SLIT2: variants seen among roughly 807,000 people sequenced by gnomAD.
SLIT2 encodes slit homolog 2 protein.
A neutral mutation model predicts 185.7 loss-of-function variants in SLIT2; 41 were observed. That is an observed-to-expected ratio of 0.22 (90% CI 0.17 to 0.29). The LOEUF is 0.29. SLIT2 is among the 10% of genes least tolerant of loss of function. SLIT2 has a pLI of 1.00. For synonymous variants in SLIT2, 693 were observed against 680.2 expected (o/e 1.02, Z -0.29); for missense variants, 1,571 against 1,909.0 (o/e 0.82, Z 3.30).
intron 4 of SLIT2, among the ~76,000 whole-genome samples, chr4:20,286,085 A>G (rs1210702344): frequency 6.6e-6 from 1 of 152,232 alleles, no homozygotes; most frequent in Admixed American, 6.5e-5. Flanking sequence ...TAATGCCCAC[A>G]TGGCAGGCTA....
intron 29 of SLIT2, among the ~76,000 whole-genome samples, chr4:20,581,659 C>T (rs1052326256): frequency 6.6e-6 from 1 of 152,154 alleles, no homozygotes. Context: ...CCACCCCTAC[C>T]CTGTACAAGT....
At chr4:20,439,189 A>C in intron 4 of SLIT2, among the ~76,000 whole-genome samples, 1 of 152,218 alleles carries the variant, frequency 6.6e-6, no homozygotes, top group East Asian at 1.9e-4. Flanking sequence ...CCGAGGTATT[A>C]ATTATATCTT....
chr4:20,424,804 T>G (rs2109477208), intron 4 of SLIT2, among the ~76,000 whole-genome samples: 2 of 152,208 alleles, frequency 1.3e-5, no homozygotes, highest in Non-Finnish European at 2.9e-5. Flanking sequence ...TGTTTTCATC[T>G]CTATATATCC....
chr4:20,472,386 G>GAGATATAGATATTTATATATCTATATA (rs1560453735), intron 5 of SLIT2, among the ~76,000 whole-genome samples: 1 of 38,394 alleles, frequency 2.6e-5, no homozygotes, highest in Non-Finnish European at 3.9e-5. Flanking sequence ...CTATATATAT[G>GAGATATAGATATTTATATATCTATATA]TAGATATATA....
At chr4:20,554,055 AT>A (rs1286896353) in intron 26 of SLIT2, 87 bp downstream of exon 26, 3 of 1,057,770 alleles carry the variant, frequency 2.8e-6, no homozygotes, top group Non-Finnish European at 4.1e-6. Flanking sequence ...ATCCAAAGGT[AT>A]GGTTGAAATG....
intron 4 of SLIT2, among the ~76,000 whole-genome samples, chr4:20,328,763 G>A (rs1242347051): frequency 6.6e-6 from 1 of 152,092 alleles, no homozygotes; most frequent in Admixed American, 6.6e-5. Flanking sequence ...TTCAACAGAA[G>A]TGACAATCTA....
intron 14 of SLIT2, 22 bp from the exon 15 acceptor site, chr4:20,525,124 ATTT>A: frequency 6.3e-7 from 1 of 1,590,684 alleles, no homozygotes; most frequent in Non-Finnish European, 8.6e-7. Context: ...TGCATCTTCT[ATTT>A]TTTGTCTCTT....
At chr4:20,411,048 A>G (rs1382493011) in intron 4 of SLIT2, among the ~76,000 whole-genome samples, 2 of 152,184 alleles carry the variant, frequency 1.3e-5, no homozygotes, top group Non-Finnish European at 2.9e-5. Flanking sequence ...ATCCATGAGC[A>G]TGGAATGTTT....
intron 4 of SLIT2, among the ~76,000 whole-genome samples, chr4:20,307,664 G>T (rs961298864): frequency 6.6e-6 from 1 of 152,158 alleles, no homozygotes; most frequent in African/African-American, 2.4e-5. Flanking sequence ...TCAAGACAAT[G>T]GGGTGAAAGG....
chr4:20,560,771 G>T (rs777069221), intron 26 of SLIT2, among the ~76,000 whole-genome samples: 1 of 151,826 alleles, frequency 6.6e-6, no homozygotes, highest in Non-Finnish European at 1.5e-5. Flanking sequence ...TGACTTACAT[G>T]TGCTGAAGAG....
chr4:20,559,446 T>C lies in SLIT2; in HGVS notation c.2725+5478T>C, dbSNP rs562022477. Among the ~76,000 whole-genome samples, 281 of 152,042 alleles carry C rather than the reference T, an allele frequency of 1.8e-3. 3 individuals are homozygous for C. Among genetic ancestry groups the C allele is most frequent in the African/African-American group, 6.5e-3 (271 of 41,434 alleles). ...AAACTTACAGTGCCCTTTGCCAGCA[T>C]TTGTCTCAGCATTTGTCAAGCTATT... On this transcript the variant is annotated intron_variant, in intron 26 of 36. Coordinates refer to ENST00000504154, the MANE Select transcript of SLIT2 (RefSeq NM_004787.4).
At chr4:20,318,007 A>G (rs1298609203) in intron 4 of SLIT2, among the ~76,000 whole-genome samples, 3 of 152,086 alleles carry the variant, frequency 2.0e-5, no homozygotes, top group Non-Finnish European at 2.9e-5. Flanking sequence ...TTTGGGGTCC[A>G]TTTTTTGTAC....
intron 26 of SLIT2, among the ~76,000 whole-genome samples, chr4:20,554,600 A>G (rs944574545): frequency 1.1e-4 from 16 of 152,356 alleles, no homozygotes; most frequent in Admixed American, 6.5e-5. Flanking sequence ...AAGAAATAAA[A>G]TTAACCATTA....
chr4:20,488,889 C>T lies in SLIT2; in HGVS notation c.682C>T (p.Pro228Ser). 6.2e-7 allele frequency: 1 copy of T among 1,612,914 alleles called. No individual in the cohort carries two copies. Among genetic ancestry groups the T allele is most frequent in the Non-Finnish European group, 8.5e-7 (1 of 1,179,048 alleles). ...GCTCTCCGACTGGCTTCGCCAAAGG[C>T]CTCGGGTTGGTCTGTACACTCAGTG... ...AWLSDWLRQR[P>S]RVGLYTQCMG... Residue 228 changes from proline to serine, a missense_variant, in exon 8 of 37, where the codon CCT becomes TCT. Around this residue, in one of 3 missense-constraint regions of SLIT2, gnomAD observed 1,202 missense variants for 1,416.4 expected, o/e 0.85. Transcript: ENST00000504154.
At chr4:20,530,498 G>A (rs1560505997) in intron 16 of SLIT2, among the ~76,000 whole-genome samples, 1 of 151,978 alleles carries the variant, frequency 6.6e-6, no homozygotes, top group Non-Finnish European at 1.5e-5. Flanking sequence ...GTCCAGGCTG[G>A]TCTTGAACTC....
At chr4:20,475,091 G>A (rs1035838620) in intron 5 of SLIT2, among the ~76,000 whole-genome samples, 2 of 151,990 alleles carry the variant, frequency 1.3e-5, no homozygotes, top group Non-Finnish European at 2.9e-5. Context: ...ACTACTCCTA[G>A]CATTCTGACT....
intron 4 of SLIT2, among the ~76,000 whole-genome samples, chr4:20,325,233 C>T (rs1407037655): frequency 6.6e-6 from 1 of 151,750 alleles, no homozygotes; most frequent in East Asian, 1.9e-4. Flanking sequence ...GTTGATCTTA[C>T]TTCTGCTCAA....
rs375498400 is a variant in SLIT2 at position 20,511,177 on chromosome 4, C to T, written c.1058+40C>T. 32 of 1,259,866 alleles carry T rather than the reference C, an allele frequency of 2.5e-5. 1 individual carries two copies. The African/African-American group carries it at 3.7e-4, about 15-fold the overall frequency. The allele number at this position is 1,259,866 out of a possible 1,614,324, so 78.0% of individuals were successfully genotyped here. ...TGTCACTGAAGGAAAAGAGAAGCCACAACAAAGAGTGGCTACCTTTTTTAA... is the reference window on the plus strand; with the variant it reads ...TGTCACTGAAGGAAAAGAGAAGCCATAACAAAGAGTGGCTACCTTTTTTAA... On this transcript the variant is annotated intron_variant, in intron 11 of 36. Coordinates refer to ENST00000504154, the MANE Select transcript of SLIT2 (RefSeq NM_004787.4).
At chr4:20,580,060 A>G (rs1343403264) in intron 29 of SLIT2, among the ~76,000 whole-genome samples, 1 of 96,260 alleles carries the variant, frequency 1.0e-5, no homozygotes, top group African/African-American at 4.8e-5. Flanking sequence ...TATATTATGT[A>G]TATATTATAT....
Sources: allele counts gnomAD v4.1 joint callset (sites outside exome capture counted in the v4.1 genomes callset), GRCh38; gene constraint gnomAD v4.1.1; regional missense constraint gnomAD v4.1.1; transcripts MANE v1.5; gene names NCBI Gene and HGNC (gene_info 2026-07-23, HGNC 2026-07-21).